NVL: variants seen among roughly 807,000 people sequenced by gnomAD.
NVL encodes the protein nuclear VCP like.
NVL carries 84 observed loss-of-function variants against 110.2 expected under a neutral mutation model. That is an observed-to-expected ratio of 0.76 (90% CI 0.64 to 0.91). The LOEUF (loss-of-function observed/expected upper bound fraction) is 0.91. Ranked by LOEUF, NVL falls within the 40% of genes least tolerant of loss-of-function variation. NVL has a pLI of 0.00. For missense variants in NVL, 882 were observed against 1,035.9 expected, an observed-to-expected ratio of 0.85 and a Z score of 2.04; for synonymous variants, 354 against 361.1, an observed-to-expected ratio of 0.98 and a Z score of 0.22.
intron 14 of NVL, 135 bp downstream of exon 14, chr1:224,287,640 A>T: frequency 1.6e-6 from 1 of 623,032 alleles, no homozygotes; most frequent in Non-Finnish European, 2.8e-6. Context: ...AAGAAGTGCT[A>T]CATTCAAGTC....
In NVL at chr1:224,261,137, G is replaced by A. The variant is rs191695911; in HGVS notation, c.2182+6897C>T. Among the ~76,000 whole-genome samples the A allele has an allele frequency of 4.5e-3, 685 of 152,174 alleles. 5 individuals carry two copies. The highest frequency in any genetic ancestry group is 7.4e-3 in the Non-Finnish European group (503 of 68,000). Reference sequence around the variant, plus strand: ...GATCTGCCCGCCTCGGCCTCCCGAAGTGTTGGGATTACAGGTGTGAGCCAC... The same window carrying A: ...GATCTGCCCGCCTCGGCCTCCCGAAATGTTGGGATTACAGGTGTGAGCCAC... On this transcript the variant is annotated intron_variant, in intron 18 of 22. Transcript: ENST00000281701.
In NVL at chr1:224,233,246, C is replaced by A. The variant is rs775337393; in HGVS notation, c.2410G>T (p.Ala804Ser). The change falls in exon 21 of 23, where the codon GCC becomes TCC. Residue 804 changes from alanine to serine, a missense_variant. Ala to Ser is a moderately conservative substitution (Grantham distance 99). Transcript: ENST00000281701. ...TGTCTTGCCATTTCCTGTCTCAGGG[C>A]ACAGATAGAAGCTTCTCGTACCAAA... Reference protein sequence around the residue: ...SALVREASICALRQEMARQKS... With the variant: ...SALVREASICSLRQEMARQKS... 5.0e-6 allele frequency: 8 copies of A among 1,613,142 alleles called. No homozygotes were observed. In the African/African-American group the frequency reaches 5.3e-5, roughly 11 times the overall value.
At chr1:224,306,551 C>G (rs547645831) in intron 6 of NVL, among the ~76,000 whole-genome samples, 1 of 152,166 alleles carries the variant, frequency 6.6e-6, no homozygotes, top group African/African-American at 2.4e-5. Context: ...CAGGTGTGAG[C>G]CACTGCACCC....
At chr1:224,256,491 A>G (rs1663272291) in intron 18 of NVL, among the ~76,000 whole-genome samples, 1 of 151,400 alleles carries the variant, frequency 6.6e-6, no homozygotes, top group Admixed American at 6.6e-5. Context: ...AGCCAGTTCT[A>G]CATGCCCCAA....
intron 16 of NVL, among the ~76,000 whole-genome samples, chr1:224,280,530 CT>C (rs138322930): frequency 0.054 from 8,233 of 152,046 alleles, 284 homozygotes; most frequent in South Asian, 0.14. Context: ...ATAGGAAATA[CT>C]TAAGTATAAC....
intron 19 of NVL, among the ~76,000 whole-genome samples, chr1:224,239,495 T>C (rs1660911877): frequency 6.6e-6 from 1 of 152,180 alleles, no homozygotes; most frequent in Admixed American, 6.6e-5. Context: ...AGGTGCTTTC[T>C]ATGATTTTAA....
In NVL at chr1:224,230,712, A is replaced by C. The variant is rs148103007; in HGVS notation, c.2526+514T>G. Among the ~76,000 whole-genome samples, 28 of 152,346 alleles carry C rather than the reference A, an allele frequency of 1.8e-4. No individual in the cohort carries two copies. The East Asian group carries it at 5.4e-3, about 29-fold the overall frequency. On this transcript the variant is annotated intron_variant, in intron 22 of 22. Coordinates refer to ENST00000281701, the MANE Select transcript of NVL (RefSeq NM_002533.4). ...GGAAAACTGTGTTCTAGTCCCTAAG[A>C]AACATATAAAATTAAAATCTCTCAA...
intron 1 of NVL, among the ~76,000 whole-genome samples, chr1:224,327,407 C>T (rs1671247371): frequency 6.6e-6 from 1 of 152,054 alleles, no homozygotes; most frequent in Admixed American, 6.6e-5. Flanking sequence ...CACACCACTG[C>T]ACTCCAGCCT....
At chr1:224,264,385 T>C (rs189736796) in intron 18 of NVL, among the ~76,000 whole-genome samples, 1 of 151,398 alleles carries the variant, frequency 6.6e-6, no homozygotes, top group Admixed American at 6.6e-5. Context: ...GTAGCCGGGA[T>C]TGCAGGCGCC....
intron 2 of NVL, among the ~76,000 whole-genome samples, chr1:224,319,153 C>CAAAAA (rs770885193): frequency 1.5e-4 from 7 of 47,110 alleles, no homozygotes; most frequent in East Asian, 1.4e-3. Flanking sequence ...GACTCCGTCT[C>CAAAAA]AAAAAAAAAA....
At chr1:224,250,872 G>A (rs1387398130) in intron 18 of NVL, among the ~76,000 whole-genome samples, 1 of 152,154 alleles carries the variant, frequency 6.6e-6, no homozygotes, top group African/African-American at 2.4e-5. Context: ...GCCCAGGCTA[G>A]TCTTGAACTC....
At chr1:224,304,707 T>G (rs1247823469) in intron 8 of NVL, 29 bp downstream of exon 8, 1 of 1,548,988 alleles carries the variant, frequency 6.5e-7, no homozygotes, top group Non-Finnish European at 8.9e-7. Flanking sequence ...ATATATCCAT[T>G]TGAGGTAAAA....
chr1:224,233,682 C>T (rs907802925), intron 20 of NVL, among the ~76,000 whole-genome samples: 1 of 152,074 alleles, frequency 6.6e-6, no homozygotes, highest in Non-Finnish European at 1.5e-5. Context: ...TCACTTGAGC[C>T]CGGGAGGTGG....
At chr1:224,236,041 TAACA>T (rs889724288) in intron 20 of NVL, among the ~76,000 whole-genome samples, 9 of 152,046 alleles carry the variant, frequency 5.9e-5, no homozygotes, top group African/African-American at 2.2e-4. Flanking sequence ...TTGGGAAAGT[TAACA>T]AACAAATTTA....
At chr1:224,261,685 T>C (rs1254971855) in intron 18 of NVL, among the ~76,000 whole-genome samples, 1 of 152,158 alleles carries the variant, frequency 6.6e-6, no homozygotes, top group African/African-American at 2.4e-5. Flanking sequence ...TGCACGGTGG[T>C]TCACACCTGT....
At chr1:224,276,497 C>T (rs1299676069) in intron 16 of NVL, among the ~76,000 whole-genome samples, 2 of 152,132 alleles carry the variant, frequency 1.3e-5, no homozygotes, top group African/African-American at 4.8e-5. Flanking sequence ...CTCAGCCTCC[C>T]AAAATACTGG....
chr1:224,299,397 C>T (rs940395676), intron 10 of NVL, among the ~76,000 whole-genome samples: 5 of 152,176 alleles, frequency 3.3e-5, no homozygotes, highest in Admixed American at 2.0e-4. Context: ...GATTGGATTT[C>T]ACCTTTTTGT....
At chr1:224,234,612 T>A (rs756841331) in intron 20 of NVL, among the ~76,000 whole-genome samples, 2 of 152,052 alleles carry the variant, frequency 1.3e-5, no homozygotes, top group Non-Finnish European at 2.9e-5. Flanking sequence ...GAGCTTAAAT[T>A]TTTAACTGAA....
At chr1:224,257,033 T>C (rs1182914729) in intron 18 of NVL, 2 of 527,686 alleles carry the variant, frequency 3.8e-6, no homozygotes, top group Admixed American at 2.0e-5. Context: ...AGAGACAGAA[T>C]TCTTTTTTTT....
Sources: gnomAD v4.1 joint callset for allele counts (sites outside exome capture counted in the v4.1 genomes callset) on GRCh38, gnomAD v4.1.1 for gene constraint, MANE v1.5 for transcripts, NCBI Gene and HGNC (gene_info 2026-07-23, HGNC 2026-07-21) for gene names.